The following GUCY1A2 variants were observed in gnomAD, a reference collection of about 807,000 sequenced individuals.
GUCY1A2 encodes guanylate cyclase soluble subunit alpha-2.
Under a neutral mutation model 63.5 loss-of-function variants are expected in GUCY1A2, and 27 were observed. The ratio of observed to expected loss-of-function variants is 0.43; its 90% CI spans 0.31 to 0.59. The LOEUF (loss-of-function observed/expected upper bound fraction) is 0.59, where lower values mean the gene tolerates loss of function less well. Ranked by LOEUF, GUCY1A2 falls within the 20% of genes least tolerant of loss-of-function variation. The pLI, the probability that GUCY1A2 is intolerant of heterozygous loss-of-function variation, is 0.11. For synonymous variants in GUCY1A2, 364 were observed against 343.5 expected (o/e 1.06, Z -0.66); for missense variants, 768 against 913.3 (o/e 0.84, Z 2.05).
intron 4 of GUCY1A2, among the ~76,000 whole-genome samples, chr11:106,917,648 G>A (rs960944343): frequency 2.1e-5 from 3 of 143,218 alleles, no homozygotes; most frequent in African/African-American, 4.9e-5. Flanking sequence ...TTGTAGGGAC[G>A]TGGATGAAGC....
chr11:106,858,939 T>G (rs1478689460), intron 4 of GUCY1A2, among the ~76,000 whole-genome samples: 1 of 152,024 alleles, frequency 6.6e-6, no homozygotes. Flanking sequence ...GATTTAAAAT[T>G]GAAACATTGG....
At chr11:106,844,961 T>C (rs1328205982) in intron 4 of GUCY1A2, among the ~76,000 whole-genome samples, 2 of 151,724 alleles carry the variant, frequency 1.3e-5, no homozygotes, top group Non-Finnish European at 1.5e-5. Flanking sequence ...AAAGGCTTCA[T>C]TTGTGGAAAA....
rs1472384162 is a variant in GUCY1A2 at position 106,940,096 on chromosome 11, T to C, written c.570A>G (p.Arg190=). The change falls in exon 4 of 8, where the codon CGA becomes CGG. Residue 190 remains arginine (R), a synonymous_variant. Coordinates refer to ENST00000526355, the MANE Select transcript of GUCY1A2 (RefSeq NM_000855.3). The part of the protein sequence containing the change: ...ICFHENERVL[R]AVGGTLQDFF... ...AGTCCTGCAAAGTGCCACCTACAGC[T>C]CGAAGGACTCTCTCATTCTCATGAA... 2 of 1,613,052 alleles carry C rather than the reference T, an allele frequency of 1.2e-6. No homozygotes were observed. Among genetic ancestry groups the C allele is most frequent in the Non-Finnish European group, 1.7e-6 (2 of 1,179,144 alleles).
At chr11:106,987,020 A>G (rs549019650) in intron 1 of GUCY1A2, among the ~76,000 whole-genome samples, 4 of 152,334 alleles carry the variant, frequency 2.6e-5, no homozygotes, top group Non-Finnish European at 5.9e-5. Context: ...CCTAGAACCT[A>G]GATGTTATTA....
intron 6 of GUCY1A2, among the ~76,000 whole-genome samples, chr11:106,733,257 A>T (rs1402321613): frequency 6.6e-6 from 1 of 152,128 alleles, no homozygotes; most frequent in African/African-American, 2.4e-5. Context: ...ATATACATAA[A>T]CATATATGTG....
At chr11:106,930,592 A>C (rs1224903608) in intron 4 of GUCY1A2, among the ~76,000 whole-genome samples, 1 of 152,250 alleles carries the variant, frequency 6.6e-6, no homozygotes, top group East Asian at 1.9e-4. Flanking sequence ...AATTGCAAAA[A>C]GAAAGATGCT....
intron 1 of GUCY1A2, among the ~76,000 whole-genome samples, chr11:106,986,768 T>C (rs1404539941): frequency 1.3e-5 from 2 of 152,100 alleles, no homozygotes; most frequent in Admixed American, 1.3e-4. Flanking sequence ...CAGCCTGACT[T>C]CCTCCATGTC....
intron 5 of GUCY1A2, among the ~76,000 whole-genome samples, chr11:106,808,189 T>C (rs912066834): frequency 1.3e-5 from 2 of 151,948 alleles, no homozygotes; most frequent in African/African-American, 4.8e-5. Flanking sequence ...CCTGGAATCT[T>C]TAGTTGTAAT....
chr11:106,998,507 A>G (rs1299206394), intron 1 of GUCY1A2, among the ~76,000 whole-genome samples: 1 of 152,230 alleles, frequency 6.6e-6, no homozygotes. Context: ...CGGAATTTTA[A>G]TGTTATGATG....
At chr11:106,894,730 A>G (rs1450813070) in intron 4 of GUCY1A2, among the ~76,000 whole-genome samples, 3 of 152,202 alleles carry the variant, frequency 2.0e-5, no homozygotes, top group Admixed American at 2.0e-4. Flanking sequence ...AAAAATAAGT[A>G]CACAACTTAG....
intron 4 of GUCY1A2, among the ~76,000 whole-genome samples, chr11:106,926,706 T>G (rs1860527934): frequency 6.6e-6 from 1 of 151,900 alleles, no homozygotes; most frequent in Non-Finnish European, 1.5e-5. Context: ...AGCAGCCCCA[T>G]AAACCGAGTA....
rs916956093 is a variant in GUCY1A2 at position 106,810,323 on chromosome 11, C to T, written c.1362G>A (p.Leu454=). 1 of 1,613,762 alleles carries T rather than the reference C, an allele frequency of 6.2e-7. No individual in the cohort carries two copies. The highest frequency in any genetic ancestry group is 1.3e-5 in the African/African-American group (1 of 74,894). ...PIHDATRDVI[L]VGEQAKAQDG... is the part of the protein sequence containing the mutation. ...CTTGGGCCTTTGCCTGCTCACCAAC[C>T]AAAATGACATCTCGGGTGGCATCAT... The change falls in exon 5 of 8, where the codon TTG becomes TTA. Residue 454 remains leucine (L), a synonymous_variant. Transcript: ENST00000526355.
At chr11:106,716,443 C>T (rs1863214852) in intron 6 of GUCY1A2, among the ~76,000 whole-genome samples, 1 of 152,138 alleles carries the variant, frequency 6.6e-6, no homozygotes, top group African/African-American at 2.4e-5. Context: ...CCAATCCTGG[C>T]TCTACTACTT....
intron 7 of GUCY1A2, among the ~76,000 whole-genome samples, chr11:106,707,021 T>C (rs1252836301): frequency 6.6e-6 from 1 of 152,158 alleles, no homozygotes; most frequent in Non-Finnish European, 1.5e-5. Flanking sequence ...GATAGAATCC[T>C]GAAACTTTGT....
At chr11:106,899,036 A>G (rs958926695) in intron 4 of GUCY1A2, among the ~76,000 whole-genome samples, 1 of 152,186 alleles carries the variant, frequency 6.6e-6, no homozygotes, top group African/African-American at 2.4e-5. Flanking sequence ...AACTATTAAA[A>G]TGTTATTAAG....
At position 106,675,207 on chromosome 11, in the gene GUCY1A2, A is replaced by G. The variant is rs1365358780; in HGVS notation, c.*12342T>C. ...GTTTTGTCACTTAATTACCGAAGTT[A>G]TAATGTAGCTACAGGCAGCTGTTAT... On this transcript the variant is annotated 3_prime_UTR_variant, in exon 8 of 8. Transcript: ENST00000526355. The G allele has an allele frequency of 2.0e-5, 4 of 204,900 alleles. No homozygotes were observed. Among genetic ancestry groups the G allele is most frequent in the Admixed American group, 1.8e-4 (3 of 16,810 alleles). The allele number at this position is 204,900 out of a possible 1,614,324, so 12.7% of individuals were successfully genotyped here.
At chr11:106,821,617 A>T (rs1378181093) in intron 4 of GUCY1A2, among the ~76,000 whole-genome samples, 1 of 152,190 alleles carries the variant, frequency 6.6e-6, no homozygotes, top group Non-Finnish European at 1.5e-5. Flanking sequence ...AGAAAATTCT[A>T]CACTTTTTTC....
At chr11:106,754,855 T>A (rs1229046522) in intron 6 of GUCY1A2, among the ~76,000 whole-genome samples, 2 of 152,216 alleles carry the variant, frequency 1.3e-5, no homozygotes, top group African/African-American at 4.8e-5. Context: ...GGTATCAGGA[T>A]GATGCTGGCC....
At chr11:106,764,151 G>A (rs77264084) in intron 6 of GUCY1A2, among the ~76,000 whole-genome samples, 1,645 of 151,790 alleles carry the variant, frequency 0.011, 29 homozygotes, top group African/African-American at 0.037. Context: ...GTTAAATGTC[G>A]ACATAATTGT....
Sources: gnomAD v4.1 joint callset for allele counts (sites outside exome capture counted in the v4.1 genomes callset) on GRCh38, gnomAD v4.1.1 for gene constraint, MANE v1.5 for transcripts, NCBI Gene and HGNC (gene_info 2026-07-23, HGNC 2026-07-21) for gene names.